NDUFAF6: variants seen among roughly 807,000 people sequenced by gnomAD.
The protein encoded by NDUFAF6 is NADH:ubiquinone oxidoreductase complex assembly factor 6.
A neutral mutation model predicts 40.8 loss-of-function variants in NDUFAF6; 45 were observed. That is an observed-to-expected ratio of 1.10 (90% CI 0.87 to 1.42). The LOEUF (loss-of-function observed/expected upper bound fraction) is 1.42. Among genes scored for constraint, NDUFAF6 ranks in the 40% most tolerant of loss-of-function variants. The pLI is 0.00. For synonymous variants in NDUFAF6, 185 were observed against 155.9 expected (o/e 1.19, Z -1.39); for missense variants, 435 against 418.5 (o/e 1.04, Z -0.34).
At chr8:94,904,018 T>G (rs1295776170) in intron 1 of NDUFAF6, among the ~76,000 whole-genome samples, 1 of 152,210 alleles carries the variant, frequency 6.6e-6, no homozygotes, top group Non-Finnish European at 1.5e-5. Flanking sequence ...CTTCCAGGCC[T>G]TCTTTCCCCT....
At chr8:95,073,785 CAG>C (rs1399658297) in intron 9 of NDUFAF6, among the ~76,000 whole-genome samples, 28 of 152,316 alleles carry the variant, frequency 1.8e-4, no homozygotes, top group African/African-American at 6.0e-4. Flanking sequence ...GAGCTCTCTC[CAG>C]AGGGTAGGGG....
intron 1 of NDUFAF6, among the ~76,000 whole-genome samples, chr8:94,910,982 G>A (rs1308799275): frequency 6.6e-6 from 1 of 152,164 alleles, no homozygotes; most frequent in Non-Finnish European, 1.5e-5. Flanking sequence ...ATTGCAGAGT[G>A]ATGTTAATGG....
At chr8:95,015,881 G>A (rs897733156) in intron 2 of NDUFAF6, among the ~76,000 whole-genome samples, 1 of 152,218 alleles carries the variant, frequency 6.6e-6, no homozygotes. Flanking sequence ...AGTGCTAAGG[G>A]ATAAATAGAA....
At chr8:94,911,655 C>A (rs1228918714) in intron 1 of NDUFAF6, among the ~76,000 whole-genome samples, 1 of 152,200 alleles carries the variant, frequency 6.6e-6, no homozygotes, top group Non-Finnish European at 1.5e-5. Context: ...GGGTTATTTA[C>A]CTGGTACCTC....
intron 4 of NDUFAF6, among the ~76,000 whole-genome samples, chr8:95,113,555 C>G (rs987635065): frequency 6.6e-6 from 1 of 152,188 alleles, no homozygotes; most frequent in Non-Finnish European, 1.5e-5. Flanking sequence ...TTCTTAAGCC[C>G]TGAGGCTTTC....
downstream of NDUFAF6, among the ~76,000 whole-genome samples, chr8:95,118,146 T>C (rs1810172583): frequency 6.6e-6 from 1 of 152,230 alleles, no homozygotes; most frequent in Admixed American, 6.5e-5. Context: ...GTAAGGAAGC[T>C]GTCAACTGGA....
intron 1 of NDUFAF6, among the ~76,000 whole-genome samples, chr8:94,980,214 T>G (rs1825304932): frequency 6.8e-6 from 1 of 146,308 alleles, no homozygotes; most frequent in South Asian, 2.1e-4. Flanking sequence ...GCATTTTTAT[T>G]ATATATATAT....
intron 1 of NDUFAF6, chr8:94,927,369 T>G (rs1319843315): frequency 6.6e-6 from 1 of 152,152 alleles, no homozygotes; most frequent in Non-Finnish European, 1.5e-5. Flanking sequence ...GCAGAAACAA[T>G]GCTGAACAGC....
chr8:94,931,228 G>A (rs1820360158), intron 1 of NDUFAF6, among the ~76,000 whole-genome samples: 1 of 152,086 alleles, frequency 6.6e-6, no homozygotes, highest in South Asian at 2.1e-4. Flanking sequence ...CAGGAAACAT[G>A]CTTTAAATCT....
At chr8:94,997,118 C>T (rs2131631896) in intron 2 of NDUFAF6, among the ~76,000 whole-genome samples, 1 of 152,122 alleles carries the variant, frequency 6.6e-6, no homozygotes, top group Non-Finnish European at 1.5e-5. Context: ...ATCTCAGGGC[C>T]CTCCTGTTTG....
At chr8:94,963,412 T>C (rs932978117) in intron 1 of NDUFAF6, among the ~76,000 whole-genome samples, 1 of 151,974 alleles carries the variant, frequency 6.6e-6, no homozygotes, top group African/African-American at 2.4e-5. Flanking sequence ...ATAAACAAAA[T>C]GCTATGGAAA....
intron 1 of NDUFAF6, among the ~76,000 whole-genome samples, chr8:94,963,609 A>G (rs1349314764): frequency 6.6e-6 from 1 of 152,220 alleles, no homozygotes; most frequent in South Asian, 2.1e-4. Flanking sequence ...GGGTTGGAAC[A>G]AGGGCCGTAG....
Position 95,057,843 on chromosome 8 carries a change from G to A in NDUFAF6, c.908G>A (p.Arg303Gln), listed in dbSNP as rs1392002240. Residue 303 changes from arginine (R) to glutamine (Q), a missense_variant, in exon 9 of 9, where the codon CGA becomes CAA. By Grantham distance (43) the Arg-to-Gln change is conservative. Transcript: ENST00000396124. ...GAGGACTTTCTAAAGAAAATTCAGC[G>A]AGTGGATTTTGATATATTCCACCCA... ...SLEDFLKKIQ[R>Q]VDFDIFHPSL... 25 of 1,611,434 alleles carry A rather than the reference G, an allele frequency of 1.6e-5. No homozygotes were observed. The highest frequency in any genetic ancestry group is 2.2e-5 in the East Asian group (1 of 44,732).
intron 7 of NDUFAF6, 95 bp from the exon 8 acceptor site, chr8:95,052,079 C>T: frequency 9.0e-7 from 1 of 1,109,258 alleles, no homozygotes; most frequent in East Asian, 2.4e-5. Context: ...TTGAGAGAGG[C>T]CCTATCAGTA....
At chr8:94,971,118 G>C (rs1778450024) in intron 1 of NDUFAF6, among the ~76,000 whole-genome samples, 1 of 152,210 alleles carries the variant, frequency 6.6e-6, no homozygotes, top group Non-Finnish European at 1.5e-5. Flanking sequence ...AAAGCTATAA[G>C]CATAATTCGA....
At chr8:95,049,809 T>C (rs1043894148) in intron 7 of NDUFAF6, among the ~76,000 whole-genome samples, 1 of 152,208 alleles carries the variant, frequency 6.6e-6, no homozygotes, top group Non-Finnish European at 1.5e-5. Context: ...TACCTGACAT[T>C]AAAAGTTTGC....
Position 94,906,991 on chromosome 8 carries a change from A to G in NDUFAF6, c.-936+11064A>G, listed in dbSNP as rs1439700814. Among the ~76,000 whole-genome samples, 3 of 152,358 alleles carry G rather than the reference A, an allele frequency of 2.0e-5. No individual in the cohort carries two copies. The East Asian group carries it at 5.8e-4, about 29-fold the overall frequency. The stretch of plus-strand genomic sequence containing the variant: ...AATGTTGGACAGTAAATGAAAATTC[A>G]GTTGAAACTACGTGTCTGCCTTACC... On this transcript the variant is annotated intron_variant, in intron 1 of 14. Transcript: ENST00000396113.
downstream of NDUFAF6, among the ~76,000 whole-genome samples, chr8:95,079,720 T>A (rs1018064153): frequency 7.4e-4 from 8 of 10,836 alleles, no homozygotes; most frequent in Admixed American, 2.9e-3. Context: ...TTTTTTAGAC[T>A]TTTTTTTTTT....
rs1352638791 is a variant in NDUFAF6 at position 95,052,240 on chromosome 8, T to A, written c.873+10T>A. 3 of 1,613,288 alleles carry A rather than the reference T, an allele frequency of 1.9e-6. No individual in the cohort carries two copies. The Admixed American group carries it at 5.0e-5, about 27-fold the overall frequency. On this transcript the variant is annotated intron_variant, in intron 8 of 8. Transcript: ENST00000396124. The stretch of plus-strand genomic sequence containing the variant: ...TGCTTTTCTTCAGACGGTAAGTAGA[T>A]TAACAGAGAAGGCTGTATAATTAGT...
Sources: gnomAD v4.1 joint callset for allele counts (sites outside exome capture counted in the v4.1 genomes callset) on GRCh38, gnomAD v4.1.1 for gene constraint, MANE v1.5 for transcripts, NCBI Gene and HGNC (gene_info 2026-07-23, HGNC 2026-07-21) for gene names.